KATNIP: variants seen among roughly 807,000 people sequenced by gnomAD.
KATNIP encodes the protein katanin-interacting protein.
A neutral mutation model predicts 174.0 loss-of-function variants in KATNIP; 126 were observed. The ratio of observed to expected loss-of-function variants is 0.72; its 90% CI spans 0.63 to 0.84. The LOEUF is 0.84. Ranked by LOEUF, KATNIP falls within the 40% of genes least tolerant of loss-of-function variation. The pLI is 0.00. For missense variants in KATNIP, 1,958 were observed against 2,109.7 expected (o/e 0.93, Z 1.41); for synonymous variants, 810 against 835.7 (o/e 0.97, Z 0.53).
In KATNIP at chr16:27,681,425, G is replaced by A. The variant is rs1364855110; in HGVS notation, c.835G>A (p.Ala279Thr). ...TCATAAAAGGGAAAGGAATTTGTCT[G>A]CAAAGCGGAAGGACAATGCTGAGGT... ...KSHKRERNLSAKRKDNAEVFV... is the reference protein window; with the variant it reads ...KSHKRERNLSTKRKDNAEVFV... The change falls in exon 8 of 28, where the codon GCA (alanine) becomes ACA (threonine). Residue 279 changes from alanine to threonine, a missense_variant. Ala to Thr is a moderately conservative substitution (Grantham distance 58). This residue lies in a region of KATNIP where 1,557 missense variants were observed against 1,617.8 expected (regional missense o/e 0.96). Coordinates refer to ENST00000261588, the MANE Select transcript of KATNIP (RefSeq NM_015202.5). 6.2e-7 allele frequency: 1 copy of A among 1,614,220 alleles called. No individual in the cohort carries two copies. Among genetic ancestry groups the A allele is most frequent in the East Asian group, 2.2e-5 (1 of 44,884 alleles).
intron 1 of KATNIP, among the ~76,000 whole-genome samples, chr16:27,559,500 G>A (rs1055253284): frequency 7.3e-5 from 11 of 151,458 alleles, no homozygotes; most frequent in South Asian, 2.1e-4. Context: ...TGGGCAACAC[G>A]GTGAGACCCC....
chr16:27,737,291 G>T (rs2080931709), intron 14 of KATNIP, among the ~76,000 whole-genome samples: 3 of 152,178 alleles, frequency 2.0e-5, no homozygotes. Flanking sequence ...GCTGAGATGG[G>T]AGGGTCACTT....
At position 27,700,361 on chromosome 16, in the gene KATNIP, A is replaced by T. The variant is rs548689532; in HGVS notation, c.1179+762A>T. Among the ~76,000 whole-genome samples the T allele has an allele frequency of 3.9e-5, 6 of 152,374 alleles. No individual in the cohort carries two copies. In the South Asian group the frequency reaches 1.2e-3, roughly 32 times the overall value. On this transcript the variant is annotated intron_variant, in intron 10 of 27. Coordinates refer to ENST00000261588, the MANE Select transcript of KATNIP (RefSeq NM_015202.5). The stretch of plus-strand genomic sequence containing the variant: ...AAGGAAGTGACTTAATAAAATGCCC[A>T]GGACCATCTTTGCTTGGTTATACAC...
At chr16:27,656,393 A>G (rs1457380721) in intron 6 of KATNIP, among the ~76,000 whole-genome samples, 7 of 139,670 alleles carry the variant, frequency 5.0e-5, no homozygotes, top group Non-Finnish European at 1.5e-5. Context: ...ACTCCAGCCT[A>G]GGCAACAGAG....
At chr16:27,746,274 G>A (rs574477597) in intron 15 of KATNIP, among the ~76,000 whole-genome samples, 1 of 152,290 alleles carries the variant, frequency 6.6e-6, no homozygotes, top group African/African-American at 2.4e-5. Flanking sequence ...TGTCTCCTTG[G>A]TGCGCTTGCA....
chr16:27,642,675 C>A (rs1267657100), intron 5 of KATNIP, among the ~76,000 whole-genome samples: 1 of 152,100 alleles, frequency 6.6e-6, no homozygotes, highest in Non-Finnish European at 1.5e-5. Flanking sequence ...GAGCTGGAAC[C>A]CAGGGCAACA....
rs912680202 is a variant in KATNIP at position 27,749,711 on chromosome 16, G to A, written c.2751G>A (p.Thr917=). 7.4e-6 allele frequency: 12 copies of A among 1,613,390 alleles called. No individual in the cohort carries two copies. The highest frequency in any genetic ancestry group is 2.7e-5 in the African/African-American group (2 of 74,904). The change falls in exon 16 of 28, where the codon ACG becomes ACA. Residue 917 remains threonine, a synonymous_variant. Transcript: ENST00000261588. ...DRSHRGRISN[T]ELPGDILDEL... ...CCCACCGGGGACGCATCTCCAACAC[G>A]GAGCTCCCGGGGGACATCCTGGATG...
At chr16:27,578,368 G>A (rs776622043) in intron 2 of KATNIP, among the ~76,000 whole-genome samples, 7 of 152,060 alleles carry the variant, frequency 4.6e-5, no homozygotes, top group African/African-American at 9.7e-5. Flanking sequence ...TCTGGCTGTC[G>A]ACCCAGGTGC....
rs12930355 is a variant in KATNIP, at chr16:27,708,880, C to T, written c.1565C>T (p.Thr522Met). 218,244 of 1,613,426 alleles carry T rather than the reference C, an allele frequency of 0.14. 16,276 individuals are homozygous for T. The highest frequency in any genetic ancestry group is 0.16 in the Middle Eastern group (917 of 5,856). Residue 522 changes from threonine (T) to methionine (M), a missense_variant, in exon 13 of 28, where the codon ACG becomes ATG. This residue lies in a region of KATNIP where 1,557 missense variants were observed against 1,617.8 expected (regional missense o/e 0.96). Transcript: ENST00000261588. Reference sequence around the variant, plus strand: ...GATGTGGATATCCGGAACACAGCCACGCCTGGGGAGCTGGGCCGCCTCGTC... The same window carrying T: ...GATGTGGATATCCGGAACACAGCCATGCCTGGGGAGCTGGGCCGCCTCGTC... Reference protein sequence around the residue: ...PHDVDIRNTATPGELGRLVNR... With the variant: ...PHDVDIRNTAMPGELGRLVNR...
chr16:27,606,391 A>G (rs1355941541), intron 2 of KATNIP, among the ~76,000 whole-genome samples: 1 of 152,082 alleles, frequency 6.6e-6, no homozygotes, highest in Non-Finnish European at 1.5e-5. Context: ...GCCCTTAGAC[A>G]TGGCAGGAAC....
intron 3 of KATNIP, among the ~76,000 whole-genome samples, chr16:27,627,848 G>C (rs2076379453): frequency 2.0e-5 from 3 of 152,152 alleles, no homozygotes; most frequent in African/African-American, 4.8e-5. Context: ...AAATGCAGGC[G>C]AGTCTGGCGT....
At chr16:27,752,065 G>GT in intron 17 of KATNIP, 141 bp downstream of exon 17, 3 of 549,168 alleles carry the variant, frequency 5.5e-6, no homozygotes, top group East Asian at 3.1e-5. Context: ...TTTCTACTTT[G>GT]TTTTTTTGTC....
intron 2 of KATNIP, among the ~76,000 whole-genome samples, chr16:27,595,799 G>A (rs2075316619): frequency 6.6e-6 from 1 of 152,194 alleles, no homozygotes; most frequent in Non-Finnish European, 1.5e-5. Context: ...GGAGGGATGT[G>A]ACATTAAATA....
chr16:27,639,079 A>G (rs1416368063), intron 5 of KATNIP, among the ~76,000 whole-genome samples: 4 of 152,122 alleles, frequency 2.6e-5, no homozygotes. Flanking sequence ...CCCAACAATA[A>G]GAAAGCACAT....
chr16:27,659,961 T>C (rs2077417811), intron 6 of KATNIP: 2 of 981,786 alleles, frequency 2.0e-6, no homozygotes, highest in African/African-American at 3.5e-5. Context: ...CACTACCTAT[T>C]GTACAACACT....
chr16:27,569,731 CAGT>C (rs1192996602), intron 1 of KATNIP, among the ~76,000 whole-genome samples: 1 of 152,128 alleles, frequency 6.6e-6, no homozygotes, highest in Non-Finnish European at 1.5e-5. Context: ...GAGAAAGGCT[CAGT>C]GGTGTGAGGA....
Position 27,565,617 on chromosome 16 carries a change from T to C in KATNIP, c.8-8284T>C, listed in dbSNP as rs928042491. On this transcript the variant is annotated intron_variant, in intron 1 of 27. Coordinates refer to ENST00000261588, the MANE Select transcript of KATNIP (RefSeq NM_015202.5). ...CGTGGGCAACATAGTGAGACCCCTG[T>C]CTCTACAAAAGTAAGTTTTAGCCAA... Among the ~76,000 whole-genome samples the C allele has an allele frequency of 3.9e-5, 6 of 152,028 alleles. No homozygotes were observed. The South Asian group carries it at 1.2e-3, about 32-fold the overall frequency.
At chr16:27,752,164 C>G (rs547908726) in intron 17 of KATNIP, among the ~76,000 whole-genome samples, 158 of 151,858 alleles carry the variant, frequency 1.0e-3, no homozygotes, top group African/African-American at 3.6e-3. Flanking sequence ...CTAATCAAAG[C>G]CAGGAGAAAT....
At chr16:27,778,220 G>T (rs1269402647) in intron 27 of KATNIP, among the ~76,000 whole-genome samples, 1 of 152,256 alleles carries the variant, frequency 6.6e-6, no homozygotes, top group Admixed American at 6.5e-5. Context: ...TGGGCACAGA[G>T]TGGGGAAGCA....
Sources: allele counts gnomAD v4.1 joint callset (sites outside exome capture counted in the v4.1 genomes callset), GRCh38; gene constraint gnomAD v4.1.1; regional missense constraint gnomAD v4.1.1; transcripts MANE v1.5; gene names NCBI Gene and HGNC (gene_info 2026-07-23, HGNC 2026-07-21).